The following PPP1R9A variants were observed in gnomAD, a reference collection of about 807,000 sequenced individuals.
The protein encoded by PPP1R9A is neurabin-1.
In PPP1R9A, 59 loss-of-function variants were observed where a neutral mutation model predicts 141.9. The observed-to-expected ratio is 0.42, with a 90% CI of 0.34 to 0.52. The LOEUF (loss-of-function observed/expected upper bound fraction) is 0.52, where lower values mean the gene tolerates loss of function less well. Among genes scored for constraint, PPP1R9A ranks in the 20% least tolerant of loss-of-function variants. The pLI, the probability that PPP1R9A is intolerant of heterozygous loss-of-function variation, is 0.10. For synonymous variants in PPP1R9A, 500 were observed against 569.7 expected (o/e 0.88, Z 1.74); for missense variants, 1,444 against 1,611.9 (o/e 0.90, Z 1.78).
chr7:95,179,684 A>C (rs1833431318), intron 5 of PPP1R9A, among the ~76,000 whole-genome samples: 2 of 151,734 alleles, frequency 1.3e-5, no homozygotes, highest in South Asian at 4.1e-4. Flanking sequence ...TTCTGGATAC[A>C]AAATTAATAT....
chr7:95,194,194 G>A (rs1215673828), intron 5 of PPP1R9A, among the ~76,000 whole-genome samples: 1 of 151,884 alleles, frequency 6.6e-6, no homozygotes. Flanking sequence ...CTTTGTATTT[G>A]TATCATTAGA....
chr7:95,200,852 T>G (rs1409402494), intron 6 of PPP1R9A, among the ~76,000 whole-genome samples: 1 of 152,200 alleles, frequency 6.6e-6, no homozygotes, highest in Non-Finnish European at 1.5e-5. Flanking sequence ...GATTTTCTTT[T>G]TTTCCCTAGA....
intron 3 of PPP1R9A, 24 bp from the exon 4 acceptor site, chr7:95,120,688 C>T (rs1300123804): frequency 5.0e-6 from 8 of 1,605,070 alleles, no homozygotes; most frequent in East Asian, 4.5e-5. Flanking sequence ...TGTTTCACCT[C>T]CCCCCTTTTT....
At chr7:94,927,854 A>C (rs761295547) in intron 2 of PPP1R9A, among the ~76,000 whole-genome samples, 11 of 152,228 alleles carry the variant, frequency 7.2e-5, no homozygotes, top group Non-Finnish European at 1.3e-4. Flanking sequence ...ATAAGGGCAC[A>C]GACCATTGTT....
At chr7:95,258,391 G>A (rs1305631388) in intron 12 of PPP1R9A, among the ~76,000 whole-genome samples, 1 of 151,972 alleles carries the variant, frequency 6.6e-6, no homozygotes, top group African/African-American at 2.4e-5. Context: ...AAATTTGTTT[G>A]AGTTCATTGT....
chr7:95,006,943 A>C (rs976057318), intron 2 of PPP1R9A, among the ~76,000 whole-genome samples: 1 of 151,718 alleles, frequency 6.6e-6, no homozygotes, highest in African/African-American at 2.4e-5. Flanking sequence ...GCTCATCGCA[A>C]CCTCCACCTC....
chr7:95,036,680 T>C (rs1808465418), intron 2 of PPP1R9A: 1 of 152,224 alleles, frequency 6.6e-6, no homozygotes, highest in Admixed American at 6.5e-5. Context: ...GTTAAAACAG[T>C]CGAAAGGATG....
intron 2 of PPP1R9A, chr7:95,036,663 G>A (rs1261122024): frequency 6.6e-6 from 1 of 152,178 alleles, no homozygotes; most frequent in Non-Finnish European, 1.5e-5. Flanking sequence ...CTTTATCTTT[G>A]TTTGCAGTTA....
intron 2 of PPP1R9A, among the ~76,000 whole-genome samples, chr7:95,048,149 A>G (rs1584434620): frequency 6.6e-6 from 1 of 152,332 alleles, no homozygotes; most frequent in East Asian, 1.9e-4. Flanking sequence ...CCTATAGTAC[A>G]AATGTTGATA....
chr7:95,149,358 A>G (rs1453300946), intron 4 of PPP1R9A, among the ~76,000 whole-genome samples: 1 of 152,208 alleles, frequency 6.6e-6, no homozygotes, highest in African/African-American at 2.4e-5. Flanking sequence ...ATCCTTTCTT[A>G]CAGTTATTTT....
chr7:95,254,963 T>C (rs550067439), intron 12 of PPP1R9A, among the ~76,000 whole-genome samples: 1 of 152,262 alleles, frequency 6.6e-6, no homozygotes, highest in East Asian at 1.9e-4. Flanking sequence ...ACAAATTTGT[T>C]ATTTAATATA....
At chr7:94,921,852 A>G (rs1036372916) in intron 2 of PPP1R9A, among the ~76,000 whole-genome samples, 1 of 151,944 alleles carries the variant, frequency 6.6e-6, no homozygotes, top group African/African-American at 2.4e-5. Context: ...AAAACAAACA[A>G]ACCTGTAAGT....
chr7:95,011,376 T>A (rs1005124230), intron 2 of PPP1R9A, among the ~76,000 whole-genome samples: 3 of 152,158 alleles, frequency 2.0e-5, no homozygotes, highest in Admixed American at 2.0e-4. Context: ...AGCTACTGAT[T>A]GTAGGGGGAA....
intron 4 of PPP1R9A, among the ~76,000 whole-genome samples, chr7:95,127,784 A>C (rs1368725306): frequency 6.6e-6 from 1 of 152,052 alleles, no homozygotes; most frequent in Non-Finnish European, 1.5e-5. Flanking sequence ...GTTTTCTGTT[A>C]CTGCATTAGT....
intron 4 of PPP1R9A, chr7:95,154,961 T>C (rs2152682055): frequency 6.6e-6 from 1 of 152,156 alleles, no homozygotes; most frequent in African/African-American, 2.4e-5. Flanking sequence ...TTAACAGAGG[T>C]CTTTAAAGTT....
chr7:94,915,237 T>A (rs1347347200), intron 2 of PPP1R9A, among the ~76,000 whole-genome samples: 1 of 152,144 alleles, frequency 6.6e-6, no homozygotes, highest in East Asian at 1.9e-4. Context: ...TGAAAATGGA[T>A]CTTCTTGTAT....
At chr7:95,030,141 T>C (rs1198947233) in intron 2 of PPP1R9A, among the ~76,000 whole-genome samples, 4 of 152,222 alleles carry the variant, frequency 2.6e-5, no homozygotes, top group African/African-American at 9.6e-5. Flanking sequence ...CAGTGCCCTC[T>C]CTTAATTAAC....
Position 95,292,231 on chromosome 7 carries a change from C to A in PPP1R9A, c.*1928C>A, listed in dbSNP as rs854543. 0.8 allele frequency: 122,585 copies of A among 152,426 alleles called. 49,410 individuals are homozygous for A. Among genetic ancestry groups the A allele is most frequent in the East Asian group, 0.89 (4,631 of 5,184 alleles). The allele number at this position is 152,426 out of a possible 1,614,324, so 9.4% of individuals were successfully genotyped here. On this transcript the variant is annotated 3_prime_UTR_variant, in exon 20 of 20. Transcript: ENST00000433360. ...GATGTCTGGTGCTTTGTTATTTTTT[C>A]ACATCATGAGAAATAAGAAGCCACT...
At chr7:95,075,785 C>T (rs993485467) in intron 2 of PPP1R9A, among the ~76,000 whole-genome samples, 6 of 151,812 alleles carry the variant, frequency 4.0e-5, no homozygotes, top group South Asian at 2.1e-4. Flanking sequence ...TGCAGTGAGC[C>T]GAGATCGCGC....
Sources: allele counts gnomAD v4.1 joint callset (sites outside exome capture counted in the v4.1 genomes callset), GRCh38; gene constraint gnomAD v4.1.1; transcripts MANE v1.5; gene names NCBI Gene and HGNC (gene_info 2026-07-23, HGNC 2026-07-21).